The following ANKS1B variants were observed in gnomAD, a reference collection of about 807,000 sequenced individuals.
ANKS1B encodes the protein ankyrin repeat and sterile alpha motif domain-containing protein 1B.
A neutral mutation model predicts 148.3 loss-of-function variants in ANKS1B; 36 were observed. That is an observed-to-expected ratio of 0.24 (90% CI 0.19 to 0.32). The LOEUF is 0.32. Ranked by LOEUF, ANKS1B falls within the 10% of genes least tolerant of loss-of-function variation. ANKS1B has a pLI of 1.00. For synonymous variants in ANKS1B, 542 were observed against 560.8 expected, an observed-to-expected ratio of 0.97 and a Z score of 0.47; for missense variants, 1,157 against 1,542.6, an observed-to-expected ratio of 0.75 and a Z score of 4.19.
chr12:99,134,645 T>TCTCTCTCTCTCA, intron 15 of ANKS1B, among the ~76,000 whole-genome samples: 1 of 105,106 alleles, frequency 9.5e-6, no homozygotes, highest in African/African-American at 3.8e-5. Flanking sequence ...TCTCTCTCTC[T>TCTCTCTCTCTCA]CACACACACA....
intron 17 of ANKS1B, among the ~76,000 whole-genome samples, chr12:98,838,560 C>G (rs563068912): frequency 1.3e-5 from 2 of 152,326 alleles, no homozygotes; most frequent in South Asian, 2.1e-4. Context: ...GCTGGGCACA[C>G]AAGCGATTCT....
At chr12:98,735,841 T>C (rs2097770083) in intron 9 of ANKS1B, among the ~76,000 whole-genome samples, 1 of 152,098 alleles carries the variant, frequency 6.6e-6, no homozygotes, top group Non-Finnish European at 1.5e-5. Context: ...TTTGGTGGTA[T>C]GTACAAGCGG....
intron 25 of ANKS1B, 111 bp downstream of exon 25, chr12:98,772,931 A>T: frequency 8.2e-7 from 1 of 1,224,774 alleles, no homozygotes; most frequent in Non-Finnish European, 1.1e-6. Flanking sequence ...TATGTATCTT[A>T]ATACCGGGTA....
chr12:99,252,419 A>C (rs1446058279), intron 12 of ANKS1B, among the ~76,000 whole-genome samples: 3 of 152,230 alleles, frequency 2.0e-5, no homozygotes, highest in African/African-American at 7.2e-5. Flanking sequence ...TCATAAAAAC[A>C]AGACACGGGG....
intron 12 of ANKS1B, chr12:99,343,693 T>C (rs1200740555): frequency 6.6e-6 from 1 of 152,090 alleles, no homozygotes; most frequent in African/African-American, 2.4e-5. Flanking sequence ...TCATCTGCAA[T>C]TCTTGTCTTC....
At chr12:99,448,194 T>C (rs899105337) in intron 10 of ANKS1B, among the ~76,000 whole-genome samples, 5 of 152,082 alleles carry the variant, frequency 3.3e-5, no homozygotes, top group Non-Finnish European at 5.9e-5. Flanking sequence ...TGGAATTAAC[T>C]TGTGTCCATT....
rs2099776767 is a variant in ANKS1B, at chr12:98,904,832, T to G, written c.2779-72696A>C. On this transcript the variant is annotated intron_variant, in intron 17 of 26. Transcript: ENST00000683438. ...TACTATGTGCCAGGTCCTTTTTATG[T>G]AGGATTATTATTATTATTTCAGTAT... is the stretch of plus-strand genomic sequence containing the variant. Among the ~76,000 whole-genome samples the G allele has an allele frequency of 2.0e-5, 3 of 150,624 alleles. No homozygotes were observed. In the Admixed American group the frequency reaches 2.0e-4, roughly 10 times the overall value.
At chr12:99,437,459 T>C (rs955498670) in intron 11 of ANKS1B, among the ~76,000 whole-genome samples, 1 of 152,002 alleles carries the variant, frequency 6.6e-6, no homozygotes, top group South Asian at 2.1e-4. Context: ...CTGTTCAATA[T>C]TGAGCCCATT....
chr12:98,895,129 T>A, intron 17 of ANKS1B: 1 of 984,684 alleles, frequency 1.0e-6, no homozygotes, highest in Non-Finnish European at 1.2e-6. Context: ...CGGGGAGGGC[T>A]TACCGCTCGG....
At chr12:99,052,584 C>T (rs1398522090) in intron 17 of ANKS1B, among the ~76,000 whole-genome samples, 2 of 148,258 alleles carry the variant, frequency 1.3e-5, no homozygotes, top group African/African-American at 5.0e-5. Flanking sequence ...AAAAATTAGC[C>T]GGGCGCGGTG....
At chr12:99,816,621 T>C (rs2069200667) in intron 2 of ANKS1B, among the ~76,000 whole-genome samples, 1 of 151,834 alleles carries the variant, frequency 6.6e-6, no homozygotes, top group Non-Finnish European at 1.5e-5. Context: ...ATGAATTGGT[T>C]GAGCTCAGAT....
intron 11 of ANKS1B, among the ~76,000 whole-genome samples, chr12:99,409,797 T>C (rs968685984): frequency 9.4e-5 from 13 of 138,738 alleles, no homozygotes; most frequent in Admixed American, 7.7e-4. Flanking sequence ...TTTGATTTAA[T>C]ATAATTTTTA....
chr12:99,778,067 G>A (rs1362619419), intron 6 of ANKS1B, among the ~76,000 whole-genome samples: 1 of 151,928 alleles, frequency 6.6e-6, no homozygotes, highest in Admixed American at 6.5e-5. Flanking sequence ...GGGCATGGTG[G>A]CGGGTGCCTG....
chr12:99,123,690 T>G (rs2063543840), intron 15 of ANKS1B, among the ~76,000 whole-genome samples: 1 of 152,092 alleles, frequency 6.6e-6, no homozygotes, highest in South Asian at 2.1e-4. Context: ...CCGACGAATC[T>G]GGAGTCTGAT....
chr12:99,269,520 G>A (rs61940238), intron 12 of ANKS1B, among the ~76,000 whole-genome samples: 13 of 145,612 alleles, frequency 8.9e-5, no homozygotes, highest in African/African-American at 3.1e-4. Context: ...TTTTTTTTTG[G>A]TCACACGTTT....
chr12:98,882,527 T>G (rs187824395), intron 17 of ANKS1B, among the ~76,000 whole-genome samples: 1 of 152,182 alleles, frequency 6.6e-6, no homozygotes, highest in African/African-American at 2.4e-5. Context: ...CAAAGATTAA[T>G]AACTGCTTTT....
In ANKS1B at chr12:99,812,272, T is replaced by C; in HGVS notation, c.255A>G (p.Thr85=). Residue 85 remains threonine (T), a synonymous_variant, in exon 3 of 27, where the codon ACA becomes ACG. Coordinates refer to ENST00000683438, the MANE Select transcript of ANKS1B (RefSeq NM_001352186.2). The part of the protein sequence containing the change: ...VLKLLQYEAS[T]NVADNKGYFP... ...AATACCCTTTGTTGTCTGCTACATT[T>C]GTTGATGCCTCATACTGAAGTAGTT... is the stretch of plus-strand genomic sequence containing the variant. 1 of 1,611,734 alleles carries C rather than the reference T, an allele frequency of 6.2e-7. No individual in the cohort carries two copies. Among genetic ancestry groups the C allele is most frequent in the Middle Eastern group, 1.7e-4 (1 of 6,048 alleles).
chr12:98,951,900 T>G (rs1311053480), intron 17 of ANKS1B, among the ~76,000 whole-genome samples: 2 of 152,218 alleles, frequency 1.3e-5, no homozygotes, highest in Non-Finnish European at 2.9e-5. Flanking sequence ...CCAAGACCTT[T>G]CATCACAGGG....
chr12:99,462,850 T>C (rs1331385697), intron 10 of ANKS1B, among the ~76,000 whole-genome samples: 1 of 152,170 alleles, frequency 6.6e-6, no homozygotes, highest in African/African-American at 2.4e-5. Context: ...AAAAAGAGTC[T>C]AGGATCTACC....
Sources: allele counts gnomAD v4.1 joint callset (sites outside exome capture counted in the v4.1 genomes callset), GRCh38; gene constraint gnomAD v4.1.1; transcripts MANE v1.5; gene names NCBI Gene and HGNC (gene_info 2026-07-23, HGNC 2026-07-21).